Variants in CFAP44 observed in about 807,000 individuals in gnomAD.
The protein encoded by CFAP44 is cilia and flagella associated protein 44.
In CFAP44, 134 loss-of-function variants were observed where a neutral mutation model predicts 216.2. The observed-to-expected ratio is 0.62, with a 90% CI of 0.54 to 0.72. The LOEUF (loss-of-function observed/expected upper bound fraction) is 0.72. CFAP44 is among the 30% of genes least tolerant of loss of function. The pLI is 0.00. For missense variants in CFAP44, 2,035 were observed against 2,182.1 expected (o/e 0.93, Z 1.34); for synonymous variants, 700 against 727.6 (o/e 0.96, Z 0.61).
chr3:113,353,175 T>C (rs938049732), intron 22 of CFAP44, among the ~76,000 whole-genome samples: 1 of 152,110 alleles, frequency 6.6e-6, no homozygotes, highest in Non-Finnish European at 1.5e-5. Flanking sequence ...GATGTCTGTA[T>C]GTGTGTTTGA....
At chr3:113,318,514 T>C (rs1203753963) in intron 28 of CFAP44, among the ~76,000 whole-genome samples, 1 of 152,112 alleles carries the variant, frequency 6.6e-6, no homozygotes, top group African/African-American at 2.4e-5. Flanking sequence ...GAGAATGTAG[T>C]CCACAAAAAT....
chr3:113,429,482 C>A (rs1055162215), intron 2 of CFAP44, among the ~76,000 whole-genome samples: 2 of 152,030 alleles, frequency 1.3e-5, no homozygotes. Context: ...TTTTTCTATC[C>A]ATTTACTTTC....
At position 113,401,235 on chromosome 3, in the gene CFAP44, C is replaced by T; in HGVS notation, c.1374+5G>A. 1 of 1,582,902 alleles carries T rather than the reference C, an allele frequency of 6.3e-7. No homozygotes were observed. The highest frequency in any genetic ancestry group is 2.3e-5 in the East Asian group (1 of 43,640). ...AGGAGAAAATAAGAATAATAGGCAA[C>T]TTACAATATTTGAAAAACTAAGGTC... On this transcript the variant is annotated splice_donor_5th_base_variant and intron_variant, in intron 11 of 34. Coordinates refer to ENST00000393845, the MANE Select transcript of CFAP44 (RefSeq NM_001164496.2).
chr3:113,304,353 A>G (rs1343548286), intron 31 of CFAP44: 1 of 513,226 alleles, frequency 1.9e-6, no homozygotes, highest in Non-Finnish European at 3.5e-6. Flanking sequence ...GATCATGCCT[A>G]TTATCTACTG....
chr3:113,349,139 A>G (rs1158118635), intron 22 of CFAP44, among the ~76,000 whole-genome samples: 3 of 152,336 alleles, frequency 2.0e-5, no homozygotes, highest in Admixed American at 2.0e-4. Context: ...GAAAAAGCCC[A>G]TGAATTATTC....
At chr3:113,405,223 C>T (rs1576592799) in intron 8 of CFAP44, among the ~76,000 whole-genome samples, 2 of 152,164 alleles carry the variant, frequency 1.3e-5, no homozygotes, top group Admixed American at 1.3e-4. Context: ...ACCCTACCGA[C>T]TTTACTGATT....
intron 6 of CFAP44, among the ~76,000 whole-genome samples, chr3:113,409,807 A>G (rs896360223): frequency 2.0e-5 from 3 of 152,246 alleles, no homozygotes; most frequent in African/African-American, 7.2e-5. Context: ...AAAACCCACC[A>G]GAATCAAGAT....
At chr3:113,415,802 G>A (rs1338490741) in intron 6 of CFAP44, among the ~76,000 whole-genome samples, 2 of 152,164 alleles carry the variant, frequency 1.3e-5, no homozygotes, top group Non-Finnish European at 2.9e-5. Flanking sequence ...TTTAGTATAA[G>A]TATCATGTGG....
intron 15 of CFAP44, 32 bp from the exon 16 acceptor site, chr3:113,381,092 T>C (rs1055166193): frequency 1.3e-6 from 2 of 1,487,990 alleles, no homozygotes; most frequent in Non-Finnish European, 1.8e-6. Context: ...TATTTACATT[T>C]AGGCAAATTT....
Position 113,396,730 on chromosome 3 carries a change from T to C in CFAP44, c.1570-3A>G, listed in dbSNP as rs1934002337. On this transcript the variant is annotated splice_region_variant and splice_polypyrimidine_tract_variant and intron_variant, in intron 13 of 34. Coordinates refer to ENST00000393845, the MANE Select transcript of CFAP44 (RefSeq NM_001164496.2). ...ATTTGTGCTCCAGTGAAGTTTACCT[T>C]GGAGAAAATTAAAGATAAGGGACCT... 1 of 1,612,846 alleles carries C rather than the reference T, an allele frequency of 6.2e-7. No homozygotes were observed. The highest frequency in any genetic ancestry group is 1.1e-5 in the South Asian group (1 of 91,014).
intron 28 of CFAP44, among the ~76,000 whole-genome samples, chr3:113,320,942 A>G (rs1478200739): frequency 6.6e-6 from 1 of 152,146 alleles, no homozygotes; most frequent in Non-Finnish European, 1.5e-5. Flanking sequence ...CACACCCAGG[A>G]TCAATACTTT....
intron 8 of CFAP44, among the ~76,000 whole-genome samples, chr3:113,404,877 CT>C (rs1934236041): frequency 6.6e-6 from 1 of 152,154 alleles, no homozygotes; most frequent in Non-Finnish European, 1.5e-5. Context: ...GGCTCAAAAC[CT>C]CCTATTCTGA....
chr3:113,427,422 T>C, intron 2 of CFAP44, 83 bp from the exon 3 acceptor site: 1 of 1,071,442 alleles, frequency 9.3e-7, no homozygotes, highest in South Asian at 1.6e-5. Context: ...CCAATTTCCT[T>C]GTGCTATAGA....
chr3:113,423,467 C>G (rs1400918851), intron 4 of CFAP44, among the ~76,000 whole-genome samples: 1 of 152,048 alleles, frequency 6.6e-6, no homozygotes, highest in African/African-American at 2.4e-5. Context: ...TCCCAGAAGA[C>G]AGTGGCAGAC....
intron 1 of CFAP44, among the ~76,000 whole-genome samples, chr3:113,437,690 G>A (rs1343256948): frequency 6.6e-6 from 1 of 152,216 alleles, no homozygotes; most frequent in Non-Finnish European, 1.5e-5. Context: ...TGAAGAACCT[G>A]TAAAAAGCAG....
At chr3:113,349,251 C>T (rs1310069448) in intron 22 of CFAP44, among the ~76,000 whole-genome samples, 1 of 152,184 alleles carries the variant, frequency 6.6e-6, no homozygotes, top group African/African-American at 2.4e-5. Context: ...TCAGCCGACT[C>T]CCTCGAGGGT....
At chr3:113,407,672 A>T (rs2107369908) in intron 7 of CFAP44, among the ~76,000 whole-genome samples, 1 of 152,360 alleles carries the variant, frequency 6.6e-6, no homozygotes, top group Middle Eastern at 3.4e-3. Flanking sequence ...TATCAAAGCA[A>T]TCAATAAATG....
At chr3:113,348,232 G>T (rs112981338) in intron 22 of CFAP44, among the ~76,000 whole-genome samples, 9,471 of 152,106 alleles carry the variant, frequency 0.062, 587 homozygotes, top group African/African-American at 0.15. Flanking sequence ...ACCGCGGGCG[G>T]TTTTTCCTTT....
In CFAP44 at chr3:113,343,059, C is replaced by CTTTT. The variant is rs397990837; in HGVS notation, c.3263-1145_3263-1142dup. On this transcript the variant is annotated intron_variant, in intron 23 of 34. Transcript: ENST00000393845. ...ACAAGTTTCTTTTCTTTCTTTCTTTCTTTTTTTTTTTTTTTTTTTTGAGAC... is the reference window on the plus strand; with the variant it reads ...ACAAGTTTCTTTTCTTTCTTTCTTTCTTTTTTTTTTTTTTTTTTTTTTTTGAGAC... 3.6e-3 allele frequency among the ~76,000 whole-genome samples: 379 copies of CTTTT among 106,680 alleles called. 1 individual carries two copies. The highest frequency in any genetic ancestry group is 4.8e-3 in the Non-Finnish European group (266 of 54,926). The allele number at this position is 106,680 out of a possible 152,430, so 70.0% of individuals were successfully genotyped here. A position where few individuals can be genotyped will look rare whatever the true frequency, so the allele number is the denominator to read the frequency against.
Sources: gnomAD v4.1 joint callset for allele counts (sites outside exome capture counted in the v4.1 genomes callset) on GRCh38, gnomAD v4.1.1 for gene constraint, MANE v1.5 for transcripts, NCBI Gene and HGNC (gene_info 2026-07-23, HGNC 2026-07-21) for gene names.